LCLAT1: variants seen among roughly 807,000 people sequenced by gnomAD.
LCLAT1 encodes the protein lysocardiolipin acyltransferase 1, also known as 1-AGP acyltransferase 8.
In LCLAT1, 11 loss-of-function variants were observed where a neutral mutation model predicts 30.7. That is an observed-to-expected ratio of 0.36 (90% confidence interval 0.23 to 0.59). The LOEUF is 0.59. Ranked by LOEUF, LCLAT1 falls within the 20% of genes least tolerant of loss-of-function variation. The pLI is 0.77. For missense variants in LCLAT1, 402 were observed against 458.6 expected, an observed-to-expected ratio of 0.88 and a Z score of 1.13; for synonymous variants, 155 against 151.3, an observed-to-expected ratio of 1.02 and a Z score of -0.18.
At chr2:30,620,768 A>T (rs1441709627) in intron 5 of LCLAT1, among the ~76,000 whole-genome samples, 1 of 152,192 alleles carries the variant, frequency 6.6e-6, no homozygotes, top group Non-Finnish European at 1.5e-5. Flanking sequence ...TTCGTGGCTT[A>T]AAACAATAAA....
At chr2:30,486,693 G>A (rs1223477570) in intron 1 of LCLAT1, among the ~76,000 whole-genome samples, 1 of 152,120 alleles carries the variant, frequency 6.6e-6, no homozygotes, top group South Asian at 2.1e-4. Flanking sequence ...CTGAGTTCTA[G>A]CCAATGGAAT....
At chr2:30,609,570 T>C (rs535807620) in intron 5 of LCLAT1, among the ~76,000 whole-genome samples, 1 of 152,242 alleles carries the variant, frequency 6.6e-6, no homozygotes, top group South Asian at 2.1e-4. Context: ...CTTGATTCTT[T>C]TAGAATGTAT....
intron 3 of LCLAT1, among the ~76,000 whole-genome samples, chr2:30,550,939 CATT>C (rs928504347): frequency 2.6e-5 from 4 of 151,930 alleles, no homozygotes; most frequent in Non-Finnish European, 4.4e-5. Context: ...CTGGTACTAT[CATT>C]ATTTTGCTGC....
intron 5 of LCLAT1, among the ~76,000 whole-genome samples, chr2:30,636,955 A>G (rs1455045730): frequency 6.6e-6 from 1 of 152,198 alleles, no homozygotes. Context: ...GTGAAAGGTG[A>G]TACTGATGAA....
At chr2:30,521,495 T>C (rs1358581688) in intron 1 of LCLAT1, among the ~76,000 whole-genome samples, 3 of 15,706 alleles carry the variant, frequency 1.9e-4, no homozygotes, top group Non-Finnish European at 3.8e-4. Flanking sequence ...ACTTCTTCTT[T>C]TTTTTTTTTT....
intron 3 of LCLAT1, among the ~76,000 whole-genome samples, chr2:30,549,209 A>C (rs1572609310): frequency 6.6e-6 from 1 of 152,200 alleles, no homozygotes; most frequent in Non-Finnish European, 1.5e-5. Context: ...GGGGGCTTTA[A>C]GGTTATCTAA....
chr2:30,459,347 G>C (rs116682615), intron 1 of LCLAT1, among the ~76,000 whole-genome samples: 1 of 152,116 alleles, frequency 6.6e-6, no homozygotes, highest in Admixed American at 6.6e-5. Flanking sequence ...TGCATATTGG[G>C]CTCTCACCTC....
chr2:30,582,600 C>A (rs1289907083), intron 5 of LCLAT1, among the ~76,000 whole-genome samples: 1 of 152,178 alleles, frequency 6.6e-6, no homozygotes, highest in Non-Finnish European at 1.5e-5. Context: ...ATGTAAATGC[C>A]ATAATGTATC....
At chr2:30,617,022 TA>T (rs940646896) in intron 5 of LCLAT1, among the ~76,000 whole-genome samples, 2 of 152,110 alleles carry the variant, frequency 1.3e-5, no homozygotes, top group South Asian at 2.1e-4. Flanking sequence ...TGAGACGCCT[TA>T]AAAAAACAGC....
In LCLAT1 at chr2:30,525,763, A is replaced by G. The variant is rs1685687857; in HGVS notation, c.165+8A>G. On this transcript the variant is annotated splice_region_variant and intron_variant, in intron 2 of 5. Transcript: ENST00000379509. ...TGGCTCACCCTACCTGTGGTAAGTT[A>G]CACACCAGAGGAGACTGTCTGCTTG... is the stretch of plus-strand genomic sequence containing the variant. The G allele has an allele frequency of 1.2e-6, 2 of 1,613,848 alleles. No individual in the cohort carries two copies. The highest frequency in any genetic ancestry group is 1.3e-5 in the African/African-American group (1 of 74,908).
At chr2:30,449,329 C>T (rs1223069239) in intron 1 of LCLAT1, among the ~76,000 whole-genome samples, 1 of 152,064 alleles carries the variant, frequency 6.6e-6, no homozygotes, top group African/African-American at 2.4e-5. Context: ...TATTTCAAGC[C>T]AGTAGTTTTG....
intron 5 of LCLAT1, among the ~76,000 whole-genome samples, chr2:30,617,841 G>T (rs1668067997): frequency 6.6e-6 from 1 of 152,004 alleles, no homozygotes; most frequent in African/African-American, 2.4e-5. Context: ...AAAACATTGG[G>T]TTGCTTTATT....
At chr2:30,581,023 G>A (rs1666193844) in intron 5 of LCLAT1, among the ~76,000 whole-genome samples, 1 of 152,130 alleles carries the variant, frequency 6.6e-6, no homozygotes, top group African/African-American at 2.4e-5. Context: ...TCAGATCAGA[G>A]GTTAGGTAAT....
chr2:30,558,272 T>C (rs1665025479), intron 3 of LCLAT1, among the ~76,000 whole-genome samples: 1 of 152,090 alleles, frequency 6.6e-6, no homozygotes, highest in Non-Finnish European at 1.5e-5. Context: ...TACTTTACAA[T>C]GAAGAAATCT....
intron 5 of LCLAT1, among the ~76,000 whole-genome samples, chr2:30,612,032 C>T (rs1253370526): frequency 2.0e-5 from 3 of 152,018 alleles, no homozygotes; most frequent in South Asian, 2.1e-4. Flanking sequence ...GAAAATGAAG[C>T]TTTCTTTTCT....
chr2:30,499,326 G>GCCC (rs754094022), intron 1 of LCLAT1, among the ~76,000 whole-genome samples: 1 of 152,130 alleles, frequency 6.6e-6, no homozygotes. Flanking sequence ...GATTACAGGT[G>GCCC]CCCGCCATCA....
At chr2:30,458,266 G>C (rs1243667300) in intron 1 of LCLAT1, among the ~76,000 whole-genome samples, 1 of 152,252 alleles carries the variant, frequency 6.6e-6, no homozygotes, top group Non-Finnish European at 1.5e-5. Flanking sequence ...TCAGTAAACA[G>C]TGGTTGAGAA....
At chr2:30,452,559 C>A (rs911995215) in intron 1 of LCLAT1, among the ~76,000 whole-genome samples, 4 of 152,080 alleles carry the variant, frequency 2.6e-5, no homozygotes, top group Non-Finnish European at 4.4e-5. Flanking sequence ...AAAGTGTAAT[C>A]TAAGTTTTGA....
chr2:30,544,544 G>A (rs1664307852), intron 3 of LCLAT1, among the ~76,000 whole-genome samples: 1 of 152,090 alleles, frequency 6.6e-6, no homozygotes, highest in South Asian at 2.1e-4. Context: ...CTTCCAGGTT[G>A]CAGCTGAGCT....
Sources: allele counts gnomAD v4.1 joint callset (sites outside exome capture counted in the v4.1 genomes callset), GRCh38; gene constraint gnomAD v4.1.1; transcripts MANE v1.5; gene names NCBI Gene and HGNC (gene_info 2026-07-23, HGNC 2026-07-21).